Variants in EPG5 observed in about 807,000 individuals in gnomAD.
The protein encoded by EPG5 is ectopic P granules protein 5 homolog.
In EPG5, 159 loss-of-function variants were observed where a neutral mutation model predicts 302.7. The observed-to-expected ratio is 0.53, with a 90% CI of 0.46 to 0.60. EPG5 has a LOEUF of 0.60. Ranked by LOEUF, EPG5 falls within the 20% of genes least tolerant of loss-of-function variation. The pLI is 0.00. For missense variants in EPG5, 2,896 were observed against 3,092.4 expected (o/e 0.94, Z 1.51); for synonymous variants, 1,158 against 1,136.8 (o/e 1.02, Z -0.37).
Position 45,919,882 on chromosome 18 carries a change from G to A in EPG5, c.3099-2063C>T, listed in dbSNP as rs78013817. Among the ~76,000 whole-genome samples, 430 of 152,214 alleles carry A rather than the reference G, an allele frequency of 2.8e-3. 3 individuals carry two copies. Among genetic ancestry groups the A allele is most frequent in the Non-Finnish European group, 3.6e-3 (245 of 68,014 alleles). On this transcript the variant is annotated intron_variant, in intron 16 of 43. Coordinates refer to ENST00000282041, the MANE Select transcript of EPG5 (RefSeq NM_020964.3). ...TTATTAGTACTCCCATTTTAGAGAT[G>A]GGAAACCTGAAGTACAGGAAGCCGT...
intron 4 of EPG5, among the ~76,000 whole-genome samples, chr18:45,949,899 T>C (rs1320111905): frequency 6.6e-6 from 1 of 152,226 alleles, no homozygotes; most frequent in African/African-American, 2.4e-5. Flanking sequence ...TAGTTTGTAA[T>C]GGTTTCTTAA....
At chr18:45,832,825 G>A in the EPG5 span, among the ~76,000 whole-genome samples, 15 of 152,266 alleles carry the variant, frequency 9.9e-5, no homozygotes, top group South Asian at 2.1e-4. Flanking sequence ...CAAAGCAAGC[G>A]CATTTTTTTC....
At chr18:45,921,514 G>C (rs2050153963) in intron 16 of EPG5, among the ~76,000 whole-genome samples, 1 of 152,158 alleles carries the variant, frequency 6.6e-6, no homozygotes, top group South Asian at 2.1e-4. Context: ...GGTAACACAA[G>C]ACAAATGCCA....
the EPG5 span, chr18:45,840,109 G>A: frequency 7.4e-7 from 1 of 1,348,960 alleles, no homozygotes; most frequent in South Asian, 1.3e-5. Flanking sequence ...AAAAACAGTG[G>A]TTTCCTCGAG....
At position 45,854,747 on chromosome 18, in the gene EPG5, A is replaced by C. The variant is rs565332216; in HGVS notation, c.7557+826T>G. ...GTGGCAATGCATGCCTGTAGTCCTA[A>C]CTACTTGGGAGGCTGAGGTGGGAGG... On this transcript the variant is annotated intron_variant, in intron 43 of 43. Transcript: ENST00000282041. Among the ~76,000 whole-genome samples the C allele has an allele frequency of 5.3e-5, 8 of 152,250 alleles. No individual in the cohort carries two copies. The South Asian group carries it at 1.7e-3, about 32-fold the overall frequency.
chr18:45,951,090 C>G lies in EPG5; in HGVS notation c.1389+12G>C, dbSNP rs1599641490. ...AAAACAAAGACTACTGTGTCTATCT[C>G]TGTCCCCTTACCAATTTCTGCAGCC... On this transcript the variant is annotated intron_variant, in intron 4 of 43. Transcript: ENST00000282041. The G allele has an allele frequency of 6.4e-7, 1 of 1,563,174 alleles. No homozygotes were observed. The highest frequency in any genetic ancestry group is 8.6e-7 in the Non-Finnish European group (1 of 1,156,998).
At chr18:45,832,915 C>T in the EPG5 span, among the ~76,000 whole-genome samples, 1 of 152,072 alleles carries the variant, frequency 6.6e-6, no homozygotes, top group Non-Finnish European at 1.5e-5. Context: ...TCTGTGTAAG[C>T]GGGAGTCCAA....
chr18:45,951,204 C>T lies in EPG5; in HGVS notation c.1287G>A (p.Leu429=). The part of the protein sequence containing the change: ...SKQTESIPSD[L]CQLKECISVL... ...CACTAATGCATTCCTTTAGTTGACA[C>T]AGATCAGAGGGAATGCTTTCTGTCT... Residue 429 remains leucine, a synonymous_variant, in exon 4 of 44, where the codon CTG becomes CTA. Coordinates refer to ENST00000282041, the MANE Select transcript of EPG5 (RefSeq NM_020964.3). 1.9e-6 allele frequency: 3 copies of T among 1,590,278 alleles called. No individual in the cohort carries two copies. Among genetic ancestry groups the T allele is most frequent in the Non-Finnish European group, 2.6e-6 (3 of 1,169,990 alleles).
rs1490709433 is a variant in EPG5 at position 45,952,406 on chromosome 18, C to T, written c.1246G>A (p.Gly416Ser). Reference protein sequence around the residue: ...VLRSSAIHQQGRASKQTESIP... With the variant: ...VLRSSAIHQQSRASKQTESIP... ...AGCTTCATTACTTACATACCTCGGCCTTGCTGGTGAATTGCTGAAGATCTC... is the reference window on the plus strand; with the variant it reads ...AGCTTCATTACTTACATACCTCGGCTTTGCTGGTGAATTGCTGAAGATCTC... Residue 416 changes from glycine (G) to serine (S), a missense_variant, in exon 3 of 44, where the codon GGC (glycine) becomes AGC (serine). By Grantham distance (56) the Gly-to-Ser change is moderately conservative. Around this residue, in one of 5 missense-constraint regions of EPG5, gnomAD observed 1,390 missense variants for 1,430.0 expected, o/e 0.97. Coordinates refer to ENST00000282041, the MANE Select transcript of EPG5 (RefSeq NM_020964.3). 2.5e-6 allele frequency: 4 copies of T among 1,614,010 alleles called. No homozygotes were observed. The East Asian group carries it at 6.7e-5, about 27-fold the overall frequency.
chr18:45,820,201 A>G, the EPG5 span, among the ~76,000 whole-genome samples: 3 of 152,218 alleles, frequency 2.0e-5, no homozygotes, highest in Non-Finnish European at 2.9e-5. Flanking sequence ...ATCTCCATCC[A>G]GAATGAGCAA....
chr18:45,826,725 C>T, the EPG5 span, among the ~76,000 whole-genome samples: 2 of 152,282 alleles, frequency 1.3e-5, no homozygotes, highest in East Asian at 1.9e-4. Context: ...GGTCCTGGCT[C>T]CATAACTGGA....
chr18:45,872,876 T>C (rs1311258525), intron 35 of EPG5, among the ~76,000 whole-genome samples: 2 of 152,196 alleles, frequency 1.3e-5, no homozygotes, highest in Non-Finnish European at 2.9e-5. Flanking sequence ...GACAGTTTTG[T>C]TTAGATAAAG....
At chr18:45,961,151 CA>C (rs2051138756) in intron 1 of EPG5, among the ~76,000 whole-genome samples, 1 of 152,210 alleles carries the variant, frequency 6.6e-6, no homozygotes, top group South Asian at 2.1e-4. Flanking sequence ...AAGCCACCAT[CA>C]CCTCTTGCCT....
At chr18:45,967,076 G>A (rs1190441898) in intron 1 of EPG5, 101 bp downstream of exon 1, 2 of 1,159,250 alleles carry the variant, frequency 1.7e-6, no homozygotes, top group East Asian at 2.7e-5. Context: ...AGATGCAGAG[G>A]GCTCAGGGAA....
intron 25 of EPG5, among the ~76,000 whole-genome samples, chr18:45,903,548 A>G (rs2049675196): frequency 6.6e-6 from 1 of 152,212 alleles, no homozygotes; most frequent in African/African-American, 2.4e-5. Flanking sequence ...TTTTTGAAAT[A>G]TAGTCAGTAA....
intron 10 of EPG5, among the ~76,000 whole-genome samples, chr18:45,939,302 T>C (rs748530377): frequency 1.3e-5 from 2 of 152,160 alleles, no homozygotes; most frequent in Non-Finnish European, 2.9e-5. Flanking sequence ...AGATAGAATC[T>C]ATCCTTGTTT....
At chr18:45,909,438 C>T (rs1203032314) in intron 23 of EPG5, among the ~76,000 whole-genome samples, 2 of 152,098 alleles carry the variant, frequency 1.3e-5, no homozygotes, top group Non-Finnish European at 2.9e-5. Context: ...GACAGAGAGT[C>T]GTAAAAGGTT....
In EPG5 at chr18:45,857,927, G is replaced by C; in HGVS notation, c.7368C>G (p.Leu2456=). ...ILLLVQSRQN[L]VAEERLSSGI... is the part of the protein sequence containing the mutation. ...CAGAGCTGAGTCTCTCCTCAGCCAC[G>C]AGGTTCTGCCTGCTCTGAACCAAGA... The change falls in exon 42 of 44, where the codon CTC becomes CTG. Residue 2456 remains leucine (L), a synonymous_variant. Coordinates refer to ENST00000282041, the MANE Select transcript of EPG5 (RefSeq NM_020964.3). 2.5e-6 allele frequency: 4 copies of C among 1,612,920 alleles called. No individual in the cohort carries two copies. The highest frequency in any genetic ancestry group is 3.4e-6 in the Non-Finnish European group (4 of 1,180,000).
At chr18:45,900,491 C>T (rs905668371) in intron 26 of EPG5, among the ~76,000 whole-genome samples, 7 of 151,874 alleles carry the variant, frequency 4.6e-5, no homozygotes, top group African/African-American at 9.7e-5. Flanking sequence ...ACTTACTCCA[C>T]GTACGCTCCT....
Sources: gnomAD v4.1 joint callset for allele counts (sites outside exome capture counted in the v4.1 genomes callset) on GRCh38, gnomAD v4.1.1 for gene constraint, gnomAD v4.1.1 regional missense constraint, MANE v1.5 for transcripts, NCBI Gene and HGNC (gene_info 2026-07-23, HGNC 2026-07-21) for gene names.